AOPEP: variants seen among roughly 807,000 people sequenced by gnomAD.
AOPEP encodes aminopeptidase O (putative), also known as aminopeptidase O.
Under a neutral mutation model 98.1 loss-of-function variants are expected in AOPEP, and 77 were observed. That is an observed-to-expected ratio of 0.78 (90% confidence interval 0.65 to 0.95). The LOEUF is 0.95. AOPEP is among the 40% of genes least tolerant of loss of function. The probability of loss-of-function intolerance (pLI) is 0.00; values close to 1 mark genes in which losing one functional copy is unlikely to be tolerated. For missense variants in AOPEP, 1,024 were observed against 1,024.7 expected (o/e 1.00, Z 0.01); for synonymous variants, 346 against 365.3 (o/e 0.95, Z 0.60).
downstream of AOPEP, among the ~76,000 whole-genome samples, chr9:95,088,316 T>G (rs1179038198): frequency 1.3e-5 from 2 of 152,028 alleles, no homozygotes; most frequent in African/African-American, 4.8e-5. Context: ...TTCAAGCGAT[T>G]CTCCTGCCCC....
intron 9 of AOPEP, among the ~76,000 whole-genome samples, chr9:94,959,262 C>G (rs1342196830): frequency 2.0e-5 from 3 of 152,122 alleles, no homozygotes; most frequent in Non-Finnish European, 4.4e-5. Context: ...CCAGGATGGT[C>G]TTGATCTCCT....
chr9:94,970,872 A>C (rs1332340136), intron 10 of AOPEP, among the ~76,000 whole-genome samples: 2 of 152,084 alleles, frequency 1.3e-5, no homozygotes, highest in African/African-American at 4.8e-5. Flanking sequence ...TTTCCTTAGG[A>C]ACTAAAACCG....
At chr9:95,140,661 A>G in the AOPEP span, among the ~76,000 whole-genome samples, 1 of 152,190 alleles carries the variant, frequency 6.6e-6, no homozygotes, top group Non-Finnish European at 1.5e-5. Context: ...CAAACCAGAA[A>G]GAGATCAAGG....
chr9:94,728,816 G>A (rs1829869165), intron 1 of AOPEP, among the ~76,000 whole-genome samples: 1 of 152,210 alleles, frequency 6.6e-6, no homozygotes, highest in African/African-American at 2.4e-5. Flanking sequence ...GGGGAGAAGG[G>A]TGGGCACAGA....
chr9:95,062,105 T>C (rs2067365071), intron 14 of AOPEP, among the ~76,000 whole-genome samples: 1 of 152,128 alleles, frequency 6.6e-6, no homozygotes, highest in East Asian at 1.9e-4. Flanking sequence ...CCCCCTTCCG[T>C]TTAGCATAAA....
intron 13 of AOPEP, among the ~76,000 whole-genome samples, chr9:95,033,597 G>A (rs1436730719): frequency 1.3e-5 from 2 of 152,016 alleles, no homozygotes. Context: ...TTCCTCCTTC[G>A]TAAAAATGAA....
At chr9:94,879,583 T>C (rs2047340612) in intron 5 of AOPEP, among the ~76,000 whole-genome samples, 1 of 152,236 alleles carries the variant, frequency 6.6e-6, no homozygotes, top group South Asian at 2.1e-4. Context: ...CATTTTCTAA[T>C]AATTTCTTAG....
At chr9:94,873,097 G>A (rs2046534846) in intron 5 of AOPEP, among the ~76,000 whole-genome samples, 1 of 152,096 alleles carries the variant, frequency 6.6e-6, no homozygotes, top group African/African-American at 2.4e-5. Flanking sequence ...CAAGGAAAGG[G>A]TGGGGAAAGG....
At chr9:94,865,502 A>G (rs2045606056) in intron 5 of AOPEP, among the ~76,000 whole-genome samples, 1 of 152,236 alleles carries the variant, frequency 6.6e-6, no homozygotes, top group Non-Finnish European at 1.5e-5. Context: ...ATTTCAGTCC[A>G]TAGGCATATT....
At chr9:95,147,518 A>AAAAAG in the AOPEP span, among the ~76,000 whole-genome samples, 3 of 152,226 alleles carry the variant, frequency 2.0e-5, no homozygotes, top group Non-Finnish European at 2.9e-5. Flanking sequence ...CTCTGTCTCA[A>AAAAAG]AAAAGAAAAG....
chr9:95,020,677 G>A (rs1486444079), intron 13 of AOPEP, among the ~76,000 whole-genome samples: 1 of 151,770 alleles, frequency 6.6e-6, no homozygotes, highest in Non-Finnish European at 1.5e-5. Context: ...CAGCACTTTG[G>A]GAGGCTGAGG....
At chr9:95,133,319 G>A in the AOPEP span, among the ~76,000 whole-genome samples, 2 of 152,200 alleles carry the variant, frequency 1.3e-5, no homozygotes, top group African/African-American at 2.4e-5. Flanking sequence ...GCACAGAGAG[G>A]TCACATCCTG....
At position 94,992,038 on chromosome 9, in the gene AOPEP, T is replaced by C. The variant is rs79712851; in HGVS notation, c.1977+12611T>C. Among the ~76,000 whole-genome samples, 330 of 152,330 alleles carry C rather than the reference T, an allele frequency of 2.2e-3. 1 individual carries two copies. Among genetic ancestry groups the C allele is most frequent in the Non-Finnish European group, 2.2e-3 (150 of 68,028 alleles). On this transcript the variant is annotated intron_variant, in intron 11 of 16. Coordinates refer to ENST00000375315, the MANE Select transcript of AOPEP (RefSeq NM_001193329.3). ...AACAAAAAGTGTATCTTGATGTACATTTTTCATATCCTCTTATTTGCTTTC... is the reference window on the plus strand; with the variant it reads ...AACAAAAAGTGTATCTTGATGTACACTTTTCATATCCTCTTATTTGCTTTC...
At chr9:94,777,337 C>A (rs9409589) in intron 3 of AOPEP, among the ~76,000 whole-genome samples, 7,952 of 151,234 alleles carry the variant, frequency 0.053, 232 homozygotes, top group Admixed American at 0.078. Flanking sequence ...GAGGCTGAGG[C>A]AGGAGAATGG....
intron 5 of AOPEP, among the ~76,000 whole-genome samples, chr9:94,917,330 C>T (rs1302309437): frequency 6.6e-6 from 1 of 152,166 alleles, no homozygotes; most frequent in African/African-American, 2.4e-5. Flanking sequence ...TTTGTCGTTG[C>T]CATGCTGTTT....
chr9:94,968,255 T>A (rs2059328543), intron 10 of AOPEP, among the ~76,000 whole-genome samples: 1 of 152,138 alleles, frequency 6.6e-6, no homozygotes, highest in African/African-American at 2.4e-5. Context: ...CCACTTCTTT[T>A]GTTTGTTTTT....
chr9:95,125,496 C>T, the AOPEP span, among the ~76,000 whole-genome samples: 1 of 152,174 alleles, frequency 6.6e-6, no homozygotes, highest in Non-Finnish European at 1.5e-5. Flanking sequence ...GGACACGCAA[C>T]ATCAACATTT....
intron 5 of AOPEP, among the ~76,000 whole-genome samples, chr9:94,816,361 A>T (rs1271459809): frequency 2.0e-5 from 3 of 151,708 alleles, no homozygotes; most frequent in African/African-American, 7.3e-5. Context: ...TGAATAACTC[A>T]CCAAGTTAAC....
At chr9:94,811,691 G>A (rs1850624778) in intron 5 of AOPEP, among the ~76,000 whole-genome samples, 1 of 152,196 alleles carries the variant, frequency 6.6e-6, no homozygotes, top group Non-Finnish European at 1.5e-5. Context: ...GCAGGAAATT[G>A]CACCCAGAAA....
Sources: gnomAD v4.1 joint callset for allele counts (sites outside exome capture counted in the v4.1 genomes callset) on GRCh38, gnomAD v4.1.1 for gene constraint, MANE v1.5 for transcripts, NCBI Gene and HGNC (gene_info 2026-07-23, HGNC 2026-07-21) for gene names.